The following ULK4 variants were observed in gnomAD, a reference collection of about 807,000 sequenced individuals.
ULK4 encodes inactive serine/threonine-protein kinase ULK4.
ULK4 carries 133 observed loss-of-function variants against 160.6 expected under a neutral mutation model. The observed-to-expected ratio is 0.83, with a 90% CI of 0.72 to 0.96. The LOEUF is 0.96. Among genes scored for constraint, ULK4 ranks in the 40% least tolerant of loss-of-function variants. The pLI is 0.00. For missense variants in ULK4, 1,580 were observed against 1,499.5 expected (o/e 1.05, Z -0.89); for synonymous variants, 534 against 539.8 (o/e 0.99, Z 0.15).
chr3:41,928,894 G>A (rs555640970), intron 5 of ULK4, among the ~76,000 whole-genome samples: 67 of 152,130 alleles, frequency 4.4e-4, no homozygotes, highest in Middle Eastern at 3.4e-3. Context: ...ATTCACAGCC[G>A]AATTCGACCG....
chr3:41,568,626 T>C (rs956897085), intron 31 of ULK4, among the ~76,000 whole-genome samples: 3 of 152,228 alleles, frequency 2.0e-5, no homozygotes, highest in Non-Finnish European at 4.4e-5. Context: ...TTCTACCAGT[T>C]GTGTGGAAAA....
At chr3:41,414,203 A>AAAAC (rs373648364) in intron 34 of ULK4, among the ~76,000 whole-genome samples, 51 of 151,740 alleles carry the variant, frequency 3.4e-4, no homozygotes, top group East Asian at 2.7e-3. Context: ...TTCCATCTCA[A>AAAAC]AAACAAACAA....
intron 32 of ULK4, among the ~76,000 whole-genome samples, chr3:41,519,278 AC>A (rs1316609087): frequency 6.6e-6 from 1 of 152,180 alleles, no homozygotes; most frequent in Non-Finnish European, 1.5e-5. Flanking sequence ...TCTGTGCCTC[AC>A]AGGAGAGGCA....
chr3:41,371,825 G>C (rs1182193132), intron 35 of ULK4, among the ~76,000 whole-genome samples: 3 of 152,000 alleles, frequency 2.0e-5, no homozygotes, highest in Non-Finnish European at 4.4e-5. Context: ...GGCTTCAGAA[G>C]GTGGGTAATA....
At chr3:41,922,733 G>A (rs999880416) in intron 5 of ULK4, among the ~76,000 whole-genome samples, 3 of 152,004 alleles carry the variant, frequency 2.0e-5, no homozygotes, top group South Asian at 2.1e-4. Flanking sequence ...TACAGGAAGC[G>A]TCTATGAGAA....
chr3:41,865,992 A>C (rs1470235376), intron 17 of ULK4, among the ~76,000 whole-genome samples: 1 of 152,238 alleles, frequency 6.6e-6, no homozygotes, highest in Non-Finnish European at 1.5e-5. Context: ...GCCACAGAGA[A>C]AATATTGCCA....
At position 41,285,608 on chromosome 3, in the gene ULK4, C is replaced by T. The variant is rs1287886918; in HGVS notation, c.3679-36034G>A. 5.3e-5 allele frequency among the ~76,000 whole-genome samples: 8 copies of T among 151,956 alleles called. No homozygotes were observed. The East Asian group carries it at 1.3e-3, about 26-fold the overall frequency. On this transcript the variant is annotated intron_variant, in intron 35 of 36. Transcript: ENST00000301831. ...CTTGGGGGGAAGGGTGAGAGGGAGGCGAGTGATAAAAGACTACAAACAGGG... is the reference window on the plus strand; with the variant it reads ...CTTGGGGGGAAGGGTGAGAGGGAGGTGAGTGATAAAAGACTACAAACAGGG...
chr3:41,389,749 T>G (rs1362084734), intron 35 of ULK4, among the ~76,000 whole-genome samples: 1 of 152,222 alleles, frequency 6.6e-6, no homozygotes, highest in African/African-American at 2.4e-5. Context: ...ATAAGCTTCT[T>G]GATGTGCTGC....
At chr3:41,376,073 C>T (rs2081485398) in intron 35 of ULK4, among the ~76,000 whole-genome samples, 1 of 150,230 alleles carries the variant, frequency 6.7e-6, no homozygotes, top group Non-Finnish European at 1.5e-5. Flanking sequence ...CAAATCAAAA[C>T]CACAATGAGA....
chr3:41,444,874 G>A (rs913333437), intron 34 of ULK4, among the ~76,000 whole-genome samples: 1 of 152,072 alleles, frequency 6.6e-6, no homozygotes, highest in South Asian at 2.1e-4. Context: ...TCTGGCCAGG[G>A]CAATCAGGCA....
chr3:41,617,936 G>C (rs1413019042), intron 30 of ULK4, among the ~76,000 whole-genome samples: 2 of 152,152 alleles, frequency 1.3e-5, no homozygotes, highest in Non-Finnish European at 2.9e-5. Flanking sequence ...TAAATGACCT[G>C]ATGGAGCTGA....
intron 31 of ULK4, among the ~76,000 whole-genome samples, chr3:41,611,985 C>T (rs758904545): frequency 6.6e-6 from 1 of 151,338 alleles, no homozygotes; most frequent in Non-Finnish European, 1.5e-5. Flanking sequence ...ATCTGACCAA[C>T]CAAAGATCAA....
At chr3:41,530,821 T>A (rs1008014325) in intron 32 of ULK4, among the ~76,000 whole-genome samples, 4 of 152,074 alleles carry the variant, frequency 2.6e-5, no homozygotes, top group African/African-American at 9.7e-5. Context: ...TGGAGTGCAG[T>A]GGCATGATCT....
At chr3:41,893,115 A>G (rs1278361755) in intron 16 of ULK4, among the ~76,000 whole-genome samples, 1 of 152,228 alleles carries the variant, frequency 6.6e-6, no homozygotes, top group East Asian at 1.9e-4. Flanking sequence ...TAGAATAAGT[A>G]GAGTATAGGT....
chr3:41,521,736 A>G (rs2085937773), intron 32 of ULK4, among the ~76,000 whole-genome samples: 1 of 152,250 alleles, frequency 6.6e-6, no homozygotes, highest in Admixed American at 6.5e-5. Flanking sequence ...CAGTTATTAT[A>G]CATGACAGAT....
rs1019789286 is a variant in ULK4, at chr3:41,938,116, C to T, written c.220G>A (p.Val74Met). Reference protein sequence around the residue: ...WYETSNHLWLVVELCTGGSLK... With the variant: ...WYETSNHLWLMVELCTGGSLK... ...TTCTTACCTGTGCAGAGTTCCACCA[C>T]TAGCCAGAGGTGGTTGCTTGTTTCA... Residue 74 changes from valine to methionine, a missense_variant, in exon 3 of 37, where the codon GTG (valine) becomes ATG (methionine). Physicochemically the swap from Val to Met is conservative, Grantham distance 21 (BLOSUM62 1). Coordinates refer to ENST00000301831, the MANE Select transcript of ULK4 (RefSeq NM_017886.4). 5.6e-6 allele frequency: 9 copies of T among 1,612,118 alleles called. No individual in the cohort carries two copies. Among genetic ancestry groups the T allele is most frequent in the African/African-American group, 1.3e-5 (1 of 74,874 alleles).
At chr3:41,811,059 T>A (rs2040807079) in intron 19 of ULK4, among the ~76,000 whole-genome samples, 1 of 150,986 alleles carries the variant, frequency 6.6e-6, no homozygotes, top group Non-Finnish European at 1.5e-5. Flanking sequence ...AATTTTAAAT[T>A]TTTTTTTTGT....
chr3:41,579,090 C>T (rs147999375), intron 31 of ULK4, among the ~76,000 whole-genome samples: 13 of 152,226 alleles, frequency 8.5e-5, no homozygotes, highest in African/African-American at 3.1e-4. Flanking sequence ...AAGCACCAGC[C>T]GTACAAGTCC....
At chr3:41,800,110 C>T (rs2040412279) in intron 20 of ULK4, 22 bp downstream of exon 20, 2 of 1,558,698 alleles carry the variant, frequency 1.3e-6, no homozygotes, top group Admixed American at 4.1e-5. Flanking sequence ...AGACATATCC[C>T]CCAAAAGATG....
Sources: allele counts gnomAD v4.1 joint callset (sites outside exome capture counted in the v4.1 genomes callset), GRCh38; gene constraint gnomAD v4.1.1; transcripts MANE v1.5; gene names NCBI Gene and HGNC (gene_info 2026-07-23, HGNC 2026-07-21).